CR1L: variants seen among roughly 807,000 people sequenced by gnomAD.
CR1L encodes complement component receptor 1-like protein.
CR1L carries 59 observed loss-of-function variants against 62.3 expected under a neutral mutation model. The observed-to-expected ratio is 0.95, with a 90% CI of 0.77 to 1.18. The LOEUF is 1.18. CR1L is among the 50% of genes most tolerant of loss of function. The pLI, the probability that CR1L is intolerant of heterozygous loss-of-function variation, is 0.00. For missense variants in CR1L, 700 were observed against 702.8 expected, an observed-to-expected ratio of 1.00 and a Z score of 0.04; for synonymous variants, 279 against 248.7, an observed-to-expected ratio of 1.12 and a Z score of -1.15.
rs183127040 is a variant in CR1L, at chr1:207,683,881, C to A, written c.387C>A (p.Leu129=). 1 of 1,613,326 alleles carries A rather than the reference C, an allele frequency of 6.2e-7. No individual in the cohort carries two copies. The highest frequency in any genetic ancestry group is 2.2e-5 in the East Asian group (1 of 44,844). Reference sequence around the variant, plus strand: ...TATTTTTTGCCTCTAGATACCGACTCATTGGTTCCTCGTCTGCCACATGCA... The same window carrying A: ...TATTTTTTGCCTCTAGATACCGACTAATTGGTTCCTCGTCTGCCACATGCA... ...IKYSCPKGYR[L]IGSSSATCII... is the part of the protein sequence containing the mutation. The change falls in exon 4 of 12, where the codon CTC becomes CTA. Residue 129 remains leucine (L), a synonymous_variant. Transcript: ENST00000508064.
chr1:207,719,574 A>G (rs1043106806), intron 11 of CR1L, among the ~76,000 whole-genome samples: 5 of 152,146 alleles, frequency 3.3e-5, no homozygotes, highest in Non-Finnish European at 7.4e-5. Context: ...AAAAAAAATT[A>G]GCTGGGCGTG....
intron 11 of CR1L, among the ~76,000 whole-genome samples, chr1:207,718,384 T>C (rs1654055062): frequency 6.6e-6 from 1 of 152,210 alleles, no homozygotes; most frequent in African/African-American, 2.4e-5. Flanking sequence ...CATCCTCCAG[T>C]AAGGACAGAA....
Position 207,723,610 on chromosome 1 carries a change from C to G in CR1L, c.1643-8C>G, listed in dbSNP as rs750379953. ...GTGATGTTTTTGTGACTTTTGTCTTCCTTTTAGGTTCACATGATGCTCTTA... is the reference window on the plus strand; with the variant it reads ...GTGATGTTTTTGTGACTTTTGTCTTGCTTTTAGGTTCACATGATGCTCTTA... On this transcript the variant is annotated splice_polypyrimidine_tract_variant and splice_region_variant and intron_variant, in intron 11 of 11. Coordinates refer to ENST00000508064, the MANE Select transcript of CR1L (RefSeq NM_175710.2). 1.3e-6 allele frequency: 2 copies of G among 1,590,668 alleles called. No individual in the cohort carries two copies. Among genetic ancestry groups the G allele is most frequent in the South Asian group, 2.3e-5 (2 of 87,872 alleles).
chr1:207,717,607 A>G lies in CR1L; in HGVS notation c.1558A>G (p.Ser520Gly), dbSNP rs1571539256. Reference protein sequence around the residue: ...RGMTFNLIGESTIRRTSEPHG... With the variant: ...RGMTFNLIGEGTIRRTSEPHG... ...GATGACCTTCAACCTCATTGGGGAG[A>G]GCACCATCCGCCGCACAAGTGAACC... Residue 520 changes from serine to glycine, a missense_variant, in exon 11 of 12, where the codon AGC becomes GGC. Transcript: ENST00000508064. The G allele has an allele frequency of 1.2e-6, 2 of 1,613,856 alleles. No individual in the cohort carries two copies. Among genetic ancestry groups the G allele is most frequent in the South Asian group, 2.2e-5 (2 of 91,056 alleles).
chr1:207,678,314 T>C lies in CR1L; in HGVS notation c.377+17T>C. 6.3e-7 allele frequency: 1 copy of C among 1,597,874 alleles called. No homozygotes were observed. Among genetic ancestry groups the C allele is most frequent in the South Asian group, 1.1e-5 (1 of 90,558 alleles). The stretch of plus-strand genomic sequence containing the variant: ...TCCTAAAGGGTGAGTTGGCATCTCT[T>C]GAACCAACATCTCTTGGTTCAAGGG... On this transcript the variant is annotated intron_variant, in intron 3 of 11. Transcript: ENST00000508064.
intron 11 of CR1L, among the ~76,000 whole-genome samples, chr1:207,718,561 A>G (rs1405628512): frequency 6.6e-6 from 1 of 152,134 alleles, no homozygotes; most frequent in Non-Finnish European, 1.5e-5. Context: ...AGCTAGGATT[A>G]CAGGCACCCA....
At chr1:207,688,119 A>C (rs1663939438) in intron 4 of CR1L, among the ~76,000 whole-genome samples, 1 of 152,130 alleles carries the variant, frequency 6.6e-6, no homozygotes, top group South Asian at 2.1e-4. Context: ...CAAAAAATAA[A>C]ATAAAATTAG....
At chr1:207,655,123 G>T (rs1571642851) in intron 1 of CR1L, 1 of 390,220 alleles carries the variant, frequency 2.6e-6, no homozygotes, top group East Asian at 5.9e-5. Flanking sequence ...CATATAAAAA[G>T]TTCCTTCATT....
At chr1:207,653,089 T>G in intron 1 of CR1L, 1 of 216,090 alleles carries the variant, frequency 4.6e-6, no homozygotes, top group Non-Finnish European at 9.2e-6. Context: ...GAAAAACATG[T>G]CCATGTATAG....
chr1:207,717,554 A>G lies in CR1L; in HGVS notation c.1505A>G (p.Tyr502Cys). Residue 502 changes from tyrosine to cysteine, a missense_variant, in exon 11 of 12, where the codon TAC (tyrosine) becomes TGC (cysteine). Physicochemically the swap from Tyr to Cys is radical, Grantham distance 194. Coordinates refer to ENST00000508064, the MANE Select transcript of CR1L (RefSeq NM_175710.2). ...GDIPYGKEVS[Y>C]TCDPHPDRGM... Reference sequence around the variant, plus strand: ...ATTCCCTATGGAAAAGAAGTATCTTACACATGTGACCCCCACCCAGACAGA... The same window carrying G: ...ATTCCCTATGGAAAAGAAGTATCTTGCACATGTGACCCCCACCCAGACAGA... 6.2e-7 allele frequency: 1 copy of G among 1,613,880 alleles called. No homozygotes were observed. Among genetic ancestry groups the G allele is most frequent in the African/African-American group, 1.3e-5 (1 of 75,042 alleles).
At chr1:207,695,417 A>G (rs1269709915) in intron 5 of CR1L, among the ~76,000 whole-genome samples, 2 of 152,212 alleles carry the variant, frequency 1.3e-5, no homozygotes, top group African/African-American at 2.4e-5. Context: ...GGCATGAGCC[A>G]CTGTGCCTGG....
intron 5 of CR1L, 57 bp from the exon 6 acceptor site, chr1:207,697,446 C>A: frequency 6.2e-7 from 1 of 1,612,662 alleles, no homozygotes; most frequent in Non-Finnish European, 8.5e-7. Flanking sequence ...GCCAGTTTAA[C>A]AGTGAGAGAA....
chr1:207,661,137 G>A (rs1571645664), intron 1 of CR1L, among the ~76,000 whole-genome samples: 1 of 152,212 alleles, frequency 6.6e-6, no homozygotes, highest in African/African-American at 2.4e-5. Context: ...TTGGGGTGGA[G>A]AGTTCTGTAG....
chr1:207,697,434 TG>T (rs1664114933), intron 5 of CR1L, 68 bp from the exon 6 acceptor site: 1 of 1,612,130 alleles, frequency 6.2e-7, no homozygotes, highest in African/African-American at 1.3e-5. Flanking sequence ...ATTATTCCCT[TG>T]GCCAGTTTAA....
At chr1:207,717,726 C>T (rs777060452) in intron 11 of CR1L, 35 bp downstream of exon 11, 1 of 1,608,620 alleles carries the variant, frequency 6.2e-7, no homozygotes, top group South Asian at 1.1e-5. Context: ...TAAATGGGTT[C>T]AGAATATGTA....
At chr1:207,687,915 T>G (rs1663937358) in intron 4 of CR1L, among the ~76,000 whole-genome samples, 1 of 152,176 alleles carries the variant, frequency 6.6e-6, no homozygotes, top group Non-Finnish European at 1.5e-5. Flanking sequence ...TTGTAGTAAG[T>G]TCTACATTTT....
intron 1 of CR1L, among the ~76,000 whole-genome samples, chr1:207,672,262 C>T (rs1040944142): frequency 6.7e-5 from 10 of 149,980 alleles, no homozygotes; most frequent in South Asian, 2.1e-4. Context: ...AGACTTCAGA[C>T]GAAGGAAAAT....
intron 3 of CR1L, among the ~76,000 whole-genome samples, chr1:207,679,622 T>C (rs981545707): frequency 1.3e-5 from 2 of 152,166 alleles, no homozygotes; most frequent in African/African-American, 4.8e-5. Context: ...AATCTCAGGT[T>C]CACACACAAA....
rs778040316 is a variant in CR1L at position 207,686,074 on chromosome 1, TTCTC to T, written c.463+2118_463+2121del. 2.9e-3 allele frequency among the ~76,000 whole-genome samples: 220 copies of T among 75,054 alleles called. 7 individuals are homozygous for T. Among genetic ancestry groups the T allele is most frequent in the South Asian group, 5.7e-3 (9 of 1,586 alleles). The allele number at this position is 75,054 out of a possible 152,430, so 49.2% of individuals were successfully genotyped here. ...TTCCTTCTTTGCTTGCTTCCTTCCT[TTCTC>T]CCTCCCTTCCTCCCTCCTTTCCTTC... On this transcript the variant is annotated intron_variant, in intron 4 of 11. Transcript: ENST00000508064.
Sources: gnomAD v4.1 joint callset for allele counts (sites outside exome capture counted in the v4.1 genomes callset) on GRCh38, gnomAD v4.1.1 for gene constraint, MANE v1.5 for transcripts, NCBI Gene and HGNC (gene_info 2026-07-23, HGNC 2026-07-21) for gene names.